The following MYT1L variants were observed in gnomAD, a reference collection of about 807,000 sequenced individuals.
MYT1L encodes the protein myelin transcription factor 1-like protein.
MYT1L carries 12 observed loss-of-function variants against 126.7 expected under a neutral mutation model. That is an observed-to-expected ratio of 0.09 (90% CI 0.06 to 0.15). The LOEUF (loss-of-function observed/expected upper bound fraction) is 0.15, where lower values mean the gene tolerates loss of function less well. MYT1L is among the 10% of genes least tolerant of loss of function. MYT1L has a pLI of 1.00. For synonymous variants in MYT1L, 541 were observed against 604.2 expected, an observed-to-expected ratio of 0.90 and a Z score of 1.53; for missense variants, 979 against 1,585.2, an observed-to-expected ratio of 0.62 and a Z score of 6.49.
rs185864328 is a variant in MYT1L, at chr2:2,235,540, G to A, written c.-421+48864C>T. 3.3e-5 allele frequency among the ~76,000 whole-genome samples: 5 copies of A among 152,306 alleles called. No individual in the cohort carries two copies. In the East Asian group the frequency reaches 9.6e-4, roughly 29 times the overall value. On this transcript the variant is annotated intron_variant, in intron 2 of 24. Transcript: ENST00000647738. ...TCCTGGGTCTCTTACCTCCAGCCCT[G>A]TGTTTATTGGCACTAACTCTGGACC...
intron 8 of MYT1L, among the ~76,000 whole-genome samples, chr2:1,958,958 C>G (rs1376379681): frequency 6.6e-6 from 1 of 152,226 alleles, no homozygotes; most frequent in African/African-American, 2.4e-5. Flanking sequence ...TTGCAAGGGG[C>G]TTCCTCTTGG....
At chr2:2,079,288 AAAG>A (rs2075559848) in intron 3 of MYT1L, among the ~76,000 whole-genome samples, 1 of 152,232 alleles carries the variant, frequency 6.6e-6, no homozygotes, top group African/African-American at 2.4e-5. Flanking sequence ...AAATTTAACA[AAAG>A]AAGTTCAAGA....
chr2:2,189,467 A>C (rs537472087), intron 2 of MYT1L, among the ~76,000 whole-genome samples: 8 of 152,256 alleles, frequency 5.3e-5, no homozygotes, highest in African/African-American at 1.9e-4. Flanking sequence ...GACACGCATG[A>C]AAGACATTTG....
intron 21 of MYT1L, among the ~76,000 whole-genome samples, chr2:1,815,485 G>A (rs1338471786): frequency 2.0e-5 from 3 of 152,164 alleles, no homozygotes; most frequent in African/African-American, 7.2e-5. Flanking sequence ...TCAGAATCAC[G>A]GTTCCTGCCT....
chr2:2,174,235 T>G (rs1229419430), intron 2 of MYT1L, among the ~76,000 whole-genome samples: 1 of 152,246 alleles, frequency 6.6e-6, no homozygotes, highest in African/African-American at 2.4e-5. Context: ...TAGCTTTTAA[T>G]ACAAATTATA....
intron 2 of MYT1L, among the ~76,000 whole-genome samples, chr2:2,221,579 A>G (rs1478428027): frequency 6.6e-6 from 1 of 152,198 alleles, no homozygotes; most frequent in Non-Finnish European, 1.5e-5. Flanking sequence ...CAAGAGAAAG[A>G]AGGGTGAAGG....
At chr2:2,139,550 A>G (rs1403239779) in intron 3 of MYT1L, among the ~76,000 whole-genome samples, 2 of 152,062 alleles carry the variant, frequency 1.3e-5, no homozygotes, top group Admixed American at 1.3e-4. Context: ...GAGGCAGGAG[A>G]ATCACTTGAA....
chr2:2,014,051 AT>A (rs1251195823), intron 4 of MYT1L, among the ~76,000 whole-genome samples: 2 of 152,256 alleles, frequency 1.3e-5, no homozygotes, highest in Non-Finnish European at 2.9e-5. Flanking sequence ...TGCCTAGTAA[AT>A]AACAACTAAC....
chr2:2,294,060 GAA>G (rs1331690458), intron 1 of MYT1L, among the ~76,000 whole-genome samples: 1 of 151,874 alleles, frequency 6.6e-6, no homozygotes, highest in African/African-American at 2.4e-5. Context: ...AGGAGGAAGA[GAA>G]AAAAAATCTG....
At chr2:2,175,223 C>A (rs561992250) in intron 2 of MYT1L, among the ~76,000 whole-genome samples, 35 of 152,220 alleles carry the variant, frequency 2.3e-4, no homozygotes, top group African/African-American at 8.0e-4. Context: ...TGCCCACCAC[C>A]CCTGTGGGAC....
chr2:1,901,639 A>G (rs1247634185), intron 14 of MYT1L, among the ~76,000 whole-genome samples: 1 of 152,242 alleles, frequency 6.6e-6, no homozygotes, highest in Non-Finnish European at 1.5e-5. Flanking sequence ...CCTGTAGAAT[A>G]ATAAAAATGG....
At chr2:1,941,005 T>C (rs2056588293) in intron 9 of MYT1L, among the ~76,000 whole-genome samples, 1 of 152,242 alleles carries the variant, frequency 6.6e-6, no homozygotes, top group Non-Finnish European at 1.5e-5. Context: ...TCTTTAATTC[T>C]AGTTTGCTTT....
chr2:1,863,772 T>G (rs548159554), intron 18 of MYT1L, among the ~76,000 whole-genome samples: 1 of 148,360 alleles, frequency 6.7e-6, no homozygotes, highest in Admixed American at 6.7e-5. Flanking sequence ...TTTGGGGGGA[T>G]AGTTAGCTCA....
rs1421244414 is a variant in MYT1L at position 1,892,198 on chromosome 2, C to G, written c.2122G>C (p.Gly708Arg). The part of the protein sequence containing the change: ...SSSSNLSCGG[G>R]SSASSTCSKS... ...CTGCACGTGCTGCTGGCGCTGCTGC[C>G]CCCGCCGCAGCTCAGGTTGCTGCTG... Residue 708 changes from glycine to arginine, a missense_variant, in exon 15 of 25, where the codon GGC becomes CGC. This residue lies in a region of MYT1L where 57 missense variants were observed against 60.3 expected (regional missense o/e 0.94). Transcript: ENST00000647738. 1.3e-6 allele frequency: 2 copies of G among 1,549,794 alleles called. No individual in the cohort carries two copies.
At chr2:2,063,694 A>G (rs1365536165) in intron 3 of MYT1L, among the ~76,000 whole-genome samples, 1 of 152,186 alleles carries the variant, frequency 6.6e-6, no homozygotes, top group Non-Finnish European at 1.5e-5. Flanking sequence ...AAATATAAAA[A>G]TTAGCTGGGA....
At chr2:2,209,444 C>T (rs892187329) in intron 2 of MYT1L, among the ~76,000 whole-genome samples, 8 of 152,216 alleles carry the variant, frequency 5.3e-5, no homozygotes, top group South Asian at 2.1e-4. Flanking sequence ...ACTCTATCTC[C>T]GTGAGTTCAA....
chr2:2,143,796 A>G (rs1412464554), intron 3 of MYT1L, among the ~76,000 whole-genome samples: 1 of 152,164 alleles, frequency 6.6e-6, no homozygotes, highest in Non-Finnish European at 1.5e-5. Flanking sequence ...AAAGAACGAA[A>G]TCGTGTCCTT....
At chr2:2,251,121 T>C (rs1000362296) in intron 2 of MYT1L, among the ~76,000 whole-genome samples, 8 of 152,344 alleles carry the variant, frequency 5.3e-5, no homozygotes, top group African/African-American at 1.7e-4. Context: ...CCTCTCATCG[T>C]GGAATTAGAT....
chr2:1,919,715 A>G (rs181375462), intron 10 of MYT1L, among the ~76,000 whole-genome samples: 192 of 151,384 alleles, frequency 1.3e-3, no homozygotes, highest in African/African-American at 4.4e-3. Flanking sequence ...TTTAGTTTTA[A>G]TTTAATTTAA....
Sources: allele counts gnomAD v4.1 joint callset (sites outside exome capture counted in the v4.1 genomes callset), GRCh38; gene constraint gnomAD v4.1.1; regional missense constraint gnomAD v4.1.1; transcripts MANE v1.5; gene names NCBI Gene and HGNC (gene_info 2026-07-23, HGNC 2026-07-21).